Variants in RIC1 observed in about 807,000 individuals in gnomAD.
RIC1 encodes the protein guanine nucleotide exchange factor subunit RIC1.
Under a neutral mutation model 169.0 loss-of-function variants are expected in RIC1, and 88 were observed. The ratio of observed to expected loss-of-function variants is 0.52; its 90% CI spans 0.44 to 0.62. RIC1 has a LOEUF of 0.62. Among genes scored for constraint, RIC1 ranks in the 20% least tolerant of loss-of-function variants. The probability of loss-of-function intolerance (pLI) is 0.00; values close to 1 mark genes in which losing one functional copy is unlikely to be tolerated. For synonymous variants in RIC1, 790 were observed against 601.5 expected (o/e 1.31, Z -4.59); for missense variants, 1,877 against 1,725.5 (o/e 1.09, Z -1.56).
chr9:5,654,467 C>T (rs575414384), intron 1 of RIC1, among the ~76,000 whole-genome samples: 13 of 151,596 alleles, frequency 8.6e-5, no homozygotes, highest in African/African-American at 1.9e-4. Context: ...GGGCTGGTCT[C>T]GAACTCCTGA....
chr9:5,747,641 C>T (rs1359289690), intron 12 of RIC1, 136 bp downstream of exon 12: 32 of 754,306 alleles, frequency 4.2e-5, no homozygotes, highest in Non-Finnish European at 6.6e-5. Flanking sequence ...CCCTCTTCTG[C>T]TTTTCTGTGT....
intron 2 of RIC1, among the ~76,000 whole-genome samples, chr9:5,685,842 C>G (rs1469446394): frequency 7.4e-6 from 1 of 135,450 alleles, no homozygotes; most frequent in Admixed American, 7.5e-5. Context: ...AACAGGCAAC[C>G]TACAACATGG....
At chr9:5,674,714 C>T (rs1225269040) in intron 2 of RIC1, among the ~76,000 whole-genome samples, 1 of 152,186 alleles carries the variant, frequency 6.6e-6, no homozygotes, top group African/African-American at 2.4e-5. Context: ...CCCCTACCTG[C>T]TCTTTTCTCT....
chr9:5,645,115 C>A (rs963135001), intron 1 of RIC1, among the ~76,000 whole-genome samples: 1 of 152,030 alleles, frequency 6.6e-6, no homozygotes, highest in Admixed American at 6.6e-5. Flanking sequence ...AAACAGTGAT[C>A]TGATCTTGGG....
chr9:5,660,968 G>T (rs1400121922), intron 2 of RIC1, among the ~76,000 whole-genome samples: 1 of 151,976 alleles, frequency 6.6e-6, no homozygotes, highest in Non-Finnish European at 1.5e-5. Context: ...TTTCTTCCTG[G>T]GTTTTACATT....
At chr9:5,686,659 G>GGA (rs1208372578) in intron 2 of RIC1, among the ~76,000 whole-genome samples, 1 of 151,060 alleles carries the variant, frequency 6.6e-6, no homozygotes, top group Admixed American at 6.6e-5. Flanking sequence ...GATAGCACTG[G>GGA]GAGATATACC....
At chr9:5,715,884 C>T (rs1232929098) in intron 4 of RIC1, among the ~76,000 whole-genome samples, 1 of 147,250 alleles carries the variant, frequency 6.8e-6, no homozygotes, top group Non-Finnish European at 1.5e-5. Context: ...AGTGCAGTGG[C>T]ACAATCACAG....
chr9:5,776,568 TTCA>T (rs1827600573), downstream of RIC1: 1 of 152,126 alleles, frequency 6.6e-6, no homozygotes, highest in Non-Finnish European at 1.5e-5. Flanking sequence ...CTTTGGTTTA[TTCA>T]TCATCTCAGG....
chr9:5,725,576 T>C (rs1823920147), intron 6 of RIC1, among the ~76,000 whole-genome samples: 1 of 152,228 alleles, frequency 6.6e-6, no homozygotes, highest in African/African-American at 2.4e-5. Flanking sequence ...TGCTCTGATC[T>C]TAGTTATTTC....
Position 5,629,327 on chromosome 9 carries a change from C to T in RIC1, c.18C>T (p.Gly6=). 4 of 1,524,774 alleles carry T rather than the reference C, an allele frequency of 2.6e-6. No homozygotes were observed. Among genetic ancestry groups the T allele is most frequent in the African/African-American group, 2.8e-5 (2 of 71,788 alleles). 94.5% of individuals were successfully genotyped at this position (1,524,774 alleles called of 1,614,324 possible). MYFLS[G]WPKRLLCPLG... is the part of the protein sequence containing the mutation. Reference sequence around the variant, plus strand: ...CACGGACCATGTATTTTCTGAGCGGCTGGCCCAAGAGGCTGCTGTGCCCTC... The same window carrying T: ...CACGGACCATGTATTTTCTGAGCGGTTGGCCCAAGAGGCTGCTGTGCCCTC... The change falls in exon 1 of 26, where the codon GGC becomes GGT. Residue 6 remains glycine (G), a synonymous_variant. Transcript: ENST00000414202.
intron 1 of RIC1, among the ~76,000 whole-genome samples, chr9:5,655,718 T>G (rs1819057762): frequency 6.6e-6 from 1 of 152,226 alleles, no homozygotes; most frequent in South Asian, 2.1e-4. Context: ...TAATTGAGTT[T>G]TGAATGCCGA....
chr9:5,769,923 G>A (rs1827083278), intron 22 of RIC1, among the ~76,000 whole-genome samples, 164 bp from the exon 23 acceptor site: 1 of 152,154 alleles, frequency 6.6e-6, no homozygotes, highest in Non-Finnish European at 1.5e-5. Context: ...ACAATCCCAT[G>A]TCTCTAGTTT....
At chr9:5,703,546 T>C (rs1224567724) in intron 3 of RIC1, among the ~76,000 whole-genome samples, 1 of 152,248 alleles carries the variant, frequency 6.6e-6, no homozygotes, top group African/African-American at 2.4e-5. Context: ...TGGATTTGCC[T>C]ATTCTGGATA....
intron 1 of RIC1, among the ~76,000 whole-genome samples, chr9:5,641,853 C>T (rs1184447817): frequency 6.9e-6 from 1 of 144,288 alleles, no homozygotes; most frequent in East Asian, 1.9e-4. Flanking sequence ...TGACTTTCCT[C>T]AACATAGCTA....
rs145776070 is a variant in RIC1 at position 5,763,616 on chromosome 9, C to T, written c.2589C>T (p.Leu863=). The T allele has an allele frequency of 2.4e-4, 390 of 1,614,150 alleles. No homozygotes were observed. In the African/African-American group the frequency reaches 4.9e-3, roughly 20 times the overall value. Residue 863 remains leucine, a synonymous_variant, in exon 19 of 26, where the codon CTC becomes CTT. Coordinates refer to ENST00000414202, the MANE Select transcript of RIC1 (RefSeq NM_020829.4). This position sits in a 1 kb window ranked among gnomAD's most constrained non-coding sequence, Gnocchi z 5.2. ...TLPYFPHVLE[L]MLHEVLEEEA... is the part of the protein sequence containing the mutation. ...CTTACTTCCCTCATGTGCTGGAGCT[C>T]ATGCTCCATGAAGTACTGGAAGAAG...
At chr9:5,765,297 TA>T in intron 19 of RIC1, 116 bp from the exon 20 acceptor site, 1 of 1,064,764 alleles carries the variant, frequency 9.4e-7, no homozygotes, top group Non-Finnish European at 1.4e-6. Context: ...ATTATTAAAC[TA>T]ACCCCTGTGG....
chr9:5,749,058 A>G (rs1825563756), intron 12 of RIC1, among the ~76,000 whole-genome samples: 1 of 152,200 alleles, frequency 6.6e-6, no homozygotes, highest in African/African-American at 2.4e-5. Flanking sequence ...GACCTAAGAG[A>G]TCATAAAGTC....
intron 12 of RIC1, among the ~76,000 whole-genome samples, chr9:5,752,876 C>A (rs1825806101): frequency 6.6e-6 from 1 of 152,184 alleles, no homozygotes; most frequent in South Asian, 2.1e-4. Context: ...AACTGTTCAT[C>A]TGCACAATTC....
intron 1 of RIC1, among the ~76,000 whole-genome samples, chr9:5,632,572 G>C (rs1056299955): frequency 5.9e-5 from 9 of 152,038 alleles, no homozygotes; most frequent in African/African-American, 1.9e-4. Flanking sequence ...ATTATATTTT[G>C]GAGCCCCCCA....
Sources: allele counts gnomAD v4.1 joint callset (sites outside exome capture counted in the v4.1 genomes callset), GRCh38; gene constraint gnomAD v4.1.1; non-coding constraint Gnocchi (gnomAD v3.1); transcripts MANE v1.5; gene names NCBI Gene and HGNC (gene_info 2026-07-23, HGNC 2026-07-21).